The following TSPAN1 variants were observed in gnomAD, a reference collection of about 807,000 sequenced individuals.
TSPAN1 encodes the protein tetraspanin-1.
Under a neutral mutation model 26.9 loss-of-function variants are expected in TSPAN1, and 23 were observed. The ratio of observed to expected loss-of-function variants is 0.85; its 90% confidence interval spans 0.62 to 1.21. TSPAN1 has a LOEUF of 1.21. TSPAN1 is among the 50% of genes most tolerant of loss of function. The probability of loss-of-function intolerance (pLI) is 0.00; values close to 1 mark genes in which losing one functional copy is unlikely to be tolerated. For synonymous variants in TSPAN1, 115 were observed against 114.8 expected (o/e 1.00, Z -0.01); for missense variants, 283 against 298.4 (o/e 0.95, Z 0.38).
chr1:46,188,580 CTG>C (rs1657497475), downstream of TSPAN1: 4 of 1,412,070 alleles, frequency 2.8e-6, no homozygotes, highest in Admixed American at 2.5e-5. Flanking sequence ...AAGATAAACT[CTG>C]TGGAGGACAG....
At chr1:46,194,344 C>T in the TSPAN1 span, 2 of 1,614,240 alleles carry the variant, frequency 1.2e-6, no homozygotes, top group East Asian at 2.2e-5. Context: ...CTCAACTTTG[C>T]TGCAGAAGCG....
At chr1:46,177,351 A>ATCTATC (rs75971409) in intron 1 of TSPAN1, among the ~76,000 whole-genome samples, 8 of 147,780 alleles carry the variant, frequency 5.4e-5, no homozygotes, top group South Asian at 2.2e-4. Context: ...AAAAAAAAAT[A>ATCTATC]TATCTATCTA....
the TSPAN1 span, chr1:46,195,338 C>T: frequency 5.3e-6 from 2 of 377,976 alleles, no homozygotes; most frequent in Non-Finnish European, 1.0e-5. Flanking sequence ...TTCTTTCCAC[C>T]TGGAATGCTC....
At chr1:46,195,153 A>G in the TSPAN1 span, among the ~76,000 whole-genome samples, 3 of 152,166 alleles carry the variant, frequency 2.0e-5, no homozygotes, top group African/African-American at 7.2e-5. Context: ...CATCCAGCTA[A>G]TAAGTCCTTT....
At chr1:46,176,419 G>A (rs1408602833) in intron 1 of TSPAN1, 3 of 1,535,772 alleles carry the variant, frequency 2.0e-6, no homozygotes, top group Middle Eastern at 1.7e-4. Context: ...CCTGCGGTAG[G>A]GGGAACGCAT....
chr1:46,188,780 A>AG (rs1446444964), downstream of TSPAN1: 1 of 1,612,896 alleles, frequency 6.2e-7, no homozygotes, highest in African/African-American at 1.3e-5. Context: ...CCAGTGTCTA[A>AG]GGGTCTCTGA....
At chr1:46,196,308 G>T in the TSPAN1 span, among the ~76,000 whole-genome samples, 1 of 152,166 alleles carries the variant, frequency 6.6e-6, no homozygotes, top group Non-Finnish European at 1.5e-5. The surrounding 1 kb of genome is among the most constrained non-coding windows in gnomAD (Gnocchi z 4.4). Flanking sequence ...TGACTTTCAT[G>T]GCTCTTAGAG....
chr1:46,187,926 T>A (rs1657472794), downstream of TSPAN1, among the ~76,000 whole-genome samples: 1 of 152,166 alleles, frequency 6.6e-6, no homozygotes, highest in Non-Finnish European at 1.5e-5. Flanking sequence ...TCTGTACTTG[T>A]ACAGAGGCAG....
downstream of TSPAN1, chr1:46,190,636 C>T (rs1161711218): frequency 2.0e-6 from 3 of 1,536,448 alleles, no homozygotes; most frequent in Non-Finnish European, 2.7e-6. Flanking sequence ...AGTAAACACA[C>T]AGGCCCAGCA....
intron 1 of TSPAN1, among the ~76,000 whole-genome samples, chr1:46,177,359 CTATCT>C (rs1657203505): frequency 9.8e-6 from 1 of 101,814 alleles, no homozygotes; most frequent in African/African-American, 3.7e-5. Context: ...ATATATCTAT[CTATCT>C]ATCTATCTAT....
downstream of TSPAN1, chr1:46,188,890 C>G: frequency 6.2e-7 from 1 of 1,612,860 alleles, no homozygotes; most frequent in Non-Finnish European, 8.5e-7. Flanking sequence ...GGGCAGCATT[C>G]CAGCCCAAAA....
chr1:46,175,679 A>G (rs1657119185), intron 1 of TSPAN1: 1 of 399,624 alleles, frequency 2.5e-6, no homozygotes, highest in Non-Finnish European at 4.4e-6. Context: ...GCAGTTCTGG[A>G]AGTTCCCTGC....
intron 3 of TSPAN1, among the ~76,000 whole-genome samples, chr1:46,182,666 C>T (rs1657339980): frequency 6.6e-6 from 1 of 152,156 alleles, no homozygotes; most frequent in Non-Finnish European, 1.5e-5. Context: ...GCCAAGATCA[C>T]ACCACTGCAC....
At position 46,177,346 on chromosome 1, in the gene TSPAN1, AAAAT is replaced by A. The variant is rs1416123449; in HGVS notation, c.-142+1939_-142+1942del. On this transcript the variant is annotated intron_variant, in intron 1 of 8. Transcript: ENST00000372003. ...GTGAAACTCTGTCTCAAAAAAAAAA[AAAAT>A]ATATCTATCTATCTATCTATCTATC... Among the ~76,000 whole-genome samples, 105 of 128,704 alleles carry A rather than the reference AAAAT, an allele frequency of 8.2e-4. 2 individuals are homozygous for A. In the East Asian group the frequency reaches 0.025, roughly 31 times the overall value. 84.4% of individuals were successfully genotyped at this position (128,704 alleles called of 152,430 possible).
rs977430334 is a variant in TSPAN1, at chr1:46,175,188, A to T, written c.-363A>T. The stretch of plus-strand genomic sequence containing the variant: ...TCATACTTGTGTACTCTCAGGGTTC[A>T]GTCTTTCATCCTATCCCTCTCTGAT... On this transcript the variant is annotated 5_prime_UTR_variant, in exon 1 of 9. Coordinates refer to ENST00000372003, the MANE Select transcript of TSPAN1 (RefSeq NM_005727.4). 2 of 163,454 alleles carry T rather than the reference A, an allele frequency of 1.2e-5. No individual in the cohort carries two copies. The highest frequency in any genetic ancestry group is 4.8e-5 in the African/African-American group (2 of 41,918). 10.1% of individuals were successfully genotyped at this position (163,454 alleles called of 1,614,324 possible). A position where few individuals can be genotyped will look rare whatever the true frequency, so the allele number is the denominator to read the frequency against.
chr1:46,193,130 G>A, the TSPAN1 span: 16 of 1,613,376 alleles, frequency 9.9e-6, 1 homozygote, highest in South Asian at 1.8e-4. Context: ...TTATGCCCAT[G>A]TTTCCCCCCT....
chr1:46,189,026 C>G (rs781694733), downstream of TSPAN1: 8 of 1,575,130 alleles, frequency 5.1e-6, no homozygotes, highest in African/African-American at 2.7e-5. Flanking sequence ...TGCTAGGGAT[C>G]GTAATGATTC....
chr1:46,176,021 T>C (rs1004310354), intron 1 of TSPAN1, among the ~76,000 whole-genome samples: 1 of 152,142 alleles, frequency 6.6e-6, no homozygotes, highest in Non-Finnish European at 1.5e-5. Flanking sequence ...TAAAGGCGTG[T>C]GCCACCACGC....
downstream of TSPAN1, chr1:46,189,614 G>T: frequency 6.3e-7 from 1 of 1,580,166 alleles, no homozygotes; most frequent in East Asian, 2.3e-5. Context: ...GAGAGCTGTA[G>T]GGAGGGGTCA....
Sources: gnomAD v4.1 joint callset for allele counts (sites outside exome capture counted in the v4.1 genomes callset) on GRCh38, gnomAD v4.1.1 for gene constraint, Gnocchi (gnomAD v3.1) non-coding constraint, MANE v1.5 for transcripts, NCBI Gene and HGNC (gene_info 2026-07-23, HGNC 2026-07-21) for gene names.